The following SLC44A1 variants were observed in gnomAD, a reference collection of about 807,000 sequenced individuals.
SLC44A1 encodes the protein solute carrier family 44 member 1.
In SLC44A1, 26 loss-of-function variants were observed where a neutral mutation model predicts 79.3. That is an observed-to-expected ratio of 0.33 (90% CI 0.24 to 0.46). SLC44A1 has a LOEUF of 0.46. Ranked by LOEUF, SLC44A1 falls within the 20% of genes least tolerant of loss-of-function variation. The pLI, the probability that SLC44A1 is intolerant of heterozygous loss-of-function variation, is 1.00. For missense variants in SLC44A1, 688 were observed against 798.1 expected, an observed-to-expected ratio of 0.86 and a Z score of 1.66; for synonymous variants, 263 against 286.2, an observed-to-expected ratio of 0.92 and a Z score of 0.82.
intron 7 of SLC44A1, 93 bp from the exon 8 acceptor site, chr9:105,361,098 T>A (rs1827764400): frequency 3.3e-6 from 4 of 1,228,726 alleles, no homozygotes; most frequent in Non-Finnish European, 4.8e-6. Context: ...AGTCCCATGA[T>A]GATCTGTAGG....
chr9:105,352,873 A>T (rs1467602912), intron 5 of SLC44A1, among the ~76,000 whole-genome samples: 1 of 152,230 alleles, frequency 6.6e-6, no homozygotes, highest in East Asian at 1.9e-4. Flanking sequence ...AAACAATTGA[A>T]GTATCAAAAC....
At chr9:105,402,853 C>G (rs1325953587) in intron 15 of SLC44A1, among the ~76,000 whole-genome samples, 1 of 151,970 alleles carries the variant, frequency 6.6e-6, no homozygotes, top group Non-Finnish European at 1.5e-5. Context: ...TTTTTTAACC[C>G]CAGGCTGGAG....
Position 105,362,863 on chromosome 9 carries a change from G to T in SLC44A1, c.943G>T (p.Ala315Ser), listed in dbSNP as rs139026951. ...AATGTTGGTTATGCGCAAACGTGTTGCTCTTACCATCGCCTTGTTCCACGT... is the reference window on the plus strand; with the variant it reads ...AATGTTGGTTATGCGCAAACGTGTTTCTCTTACCATCGCCTTGTTCCACGT... ...LIMLVMRKRV[A>S]LTIALFHVAG... The change falls in exon 9 of 16, where the codon GCT (alanine) becomes TCT (serine). Residue 315 changes from alanine (A) to serine (S), a missense_variant. Transcript: ENST00000374720. 4.5e-5 allele frequency: 72 copies of T among 1,612,758 alleles called. No individual in the cohort carries two copies. In the African/African-American group the frequency reaches 8.1e-4, roughly 18 times the overall value.
chr9:105,283,705 T>A (rs909159314), intron 1 of SLC44A1, among the ~76,000 whole-genome samples: 54 of 152,334 alleles, frequency 3.5e-4, no homozygotes, highest in African/African-American at 1.2e-3. Context: ...GGTTATTTTT[T>A]AAAAATCCAA....
At chr9:105,421,742 G>C (rs184618184) in intron 15 of SLC44A1, among the ~76,000 whole-genome samples, 23 of 151,768 alleles carry the variant, frequency 1.5e-4, no homozygotes, top group Non-Finnish European at 1.9e-4. Flanking sequence ...TGCCTACCAC[G>C]GCGCCCGGCT....
chr9:105,413,411 G>T (rs113110538), intron 15 of SLC44A1, among the ~76,000 whole-genome samples: 1 of 152,130 alleles, frequency 6.6e-6, no homozygotes, highest in Non-Finnish European at 1.5e-5. Context: ...TATAGGTGCC[G>T]CCCATCTTCC....
At chr9:105,303,209 GCCCAATAAGGTACT>G (rs1830928027) in intron 2 of SLC44A1, among the ~76,000 whole-genome samples, 2 of 151,928 alleles carry the variant, frequency 1.3e-5, no homozygotes, top group Admixed American at 1.3e-4. Flanking sequence ...ACCTGATTAT[GCCCAATAAGGTACT>G]CCCTGGTAAA....
downstream of SLC44A1, among the ~76,000 whole-genome samples, chr9:105,401,256 TA>T (rs1163514302): frequency 5.9e-5 from 9 of 152,258 alleles, no homozygotes; most frequent in Non-Finnish European, 1.2e-4. Context: ...ATATTTAAAA[TA>T]TTCCTCTATA....
intron 9 of SLC44A1, 40 bp from the exon 10 acceptor site, chr9:105,364,515 C>G (rs1464429877): frequency 6.4e-7 from 1 of 1,573,416 alleles, no homozygotes. Flanking sequence ...TGGATTTGTA[C>G]TTTATGTGCT....
At chr9:105,335,976 G>A (rs574574371) in intron 4 of SLC44A1, among the ~76,000 whole-genome samples, 4 of 152,168 alleles carry the variant, frequency 2.6e-5, no homozygotes, top group Admixed American at 2.0e-4. Flanking sequence ...GTAGTCTATC[G>A]AGTATTTGGA....
intron 1 of SLC44A1, among the ~76,000 whole-genome samples, chr9:105,278,458 C>T (rs1278483814): frequency 1.3e-5 from 2 of 152,162 alleles, no homozygotes; most frequent in Admixed American, 6.5e-5. Flanking sequence ...TCATGTTGAC[C>T]AGGAGGGTCT....
At chr9:105,280,630 G>A (rs1830328262) in intron 1 of SLC44A1, among the ~76,000 whole-genome samples, 1 of 152,210 alleles carries the variant, frequency 6.6e-6, no homozygotes. Flanking sequence ...TAGCTGAAGA[G>A]CTTTAAAGTG....
intron 1 of SLC44A1, among the ~76,000 whole-genome samples, chr9:105,277,190 C>T (rs1477795248): frequency 6.6e-6 from 1 of 152,174 alleles, no homozygotes; most frequent in Non-Finnish European, 1.5e-5. Flanking sequence ...GGTGGAATTA[C>T]TGTTTACTGA....
rs184854396 is a variant in SLC44A1, at chr9:105,257,254, G to A, written c.36+12350G>A. Among the ~76,000 whole-genome samples the A allele has an allele frequency of 1.5e-3, 235 of 151,770 alleles. 1 individual carries two copies. The highest frequency in any genetic ancestry group is 5.3e-3 in the African/African-American group (221 of 41,348). The stretch of plus-strand genomic sequence containing the variant: ...TGCGATTACAAGCATGTGCCACCAC[G>A]CCTGGCTAATTTTGTATTTCTGGTA... On this transcript the variant is annotated intron_variant, in intron 1 of 15. Transcript: ENST00000374720.
Position 105,356,328 on chromosome 9 carries a change from G to T in SLC44A1, c.617G>T (p.Ser206Ile). ...SDNSVLHRLI[S>I]GVMTSKEIIL... ...AATAGTGTCTTACACAGGCTGATTA[G>T]TGGAGTAATGACCAGCAAAGAAATT... The change falls in exon 6 of 16, where the codon AGT becomes ATT. Residue 206 changes from serine (S) to isoleucine (I), a missense_variant. Coordinates refer to ENST00000374720, the MANE Select transcript of SLC44A1 (RefSeq NM_080546.5). The T allele has an allele frequency of 4.3e-6, 7 of 1,610,888 alleles. No individual in the cohort carries two copies. The highest frequency in any genetic ancestry group is 5.9e-6 in the Non-Finnish European group (7 of 1,178,580).
chr9:105,361,836 T>C (rs1827789699), intron 8 of SLC44A1, among the ~76,000 whole-genome samples: 1 of 152,148 alleles, frequency 6.6e-6, no homozygotes, highest in Non-Finnish European at 1.5e-5. Context: ...GAGGATCACT[T>C]GAGCCCACGA....
rs117059358 is a variant in SLC44A1, at chr9:105,428,539, C to T, written c.1951-9742C>T. On this transcript the variant is annotated intron_variant, in intron 15 of 15. Coordinates refer to the SLC44A1 transcript ENST00000374724. ...TTGGTCCTGGGCAAGTTACTTAGCC[C>T]ATCTAATTCTCAGTTTCCCCATCTG... Among the ~76,000 whole-genome samples the T allele has an allele frequency of 2.4e-4, 36 of 152,304 alleles. No homozygotes were observed. The East Asian group carries it at 6.9e-3, about 29-fold the overall frequency.
At chr9:105,409,096 T>C (rs1829064716) in intron 15 of SLC44A1, among the ~76,000 whole-genome samples, 3 of 152,286 alleles carry the variant, frequency 2.0e-5, no homozygotes, top group Middle Eastern at 6.8e-3. Flanking sequence ...TACTTACCAG[T>C]TTTTTAAAAT....
chr9:105,405,136 A>G (rs1041121814), intron 15 of SLC44A1, among the ~76,000 whole-genome samples: 1 of 152,154 alleles, frequency 6.6e-6, no homozygotes, highest in African/African-American at 2.4e-5. Context: ...CCTGGGCAAC[A>G]TGGTGAAACT....
Sources: gnomAD v4.1 joint callset for allele counts (sites outside exome capture counted in the v4.1 genomes callset) on GRCh38, gnomAD v4.1.1 for gene constraint, MANE v1.5 for transcripts, NCBI Gene and HGNC (gene_info 2026-07-23, HGNC 2026-07-21) for gene names.